SCLT1: variants seen among roughly 807,000 people sequenced by gnomAD.
The protein encoded by SCLT1 is sodium channel-associated protein 1.
SCLT1 carries 78 observed loss-of-function variants against 112.8 expected under a neutral mutation model. The ratio of observed to expected loss-of-function variants is 0.69; its 90% confidence interval spans 0.58 to 0.83. The LOEUF is 0.83. SCLT1 is among the 40% of genes least tolerant of loss of function. The probability of loss-of-function intolerance (pLI) is 0.00; values close to 1 mark genes in which losing one functional copy is unlikely to be tolerated. For missense variants in SCLT1, 747 were observed against 770.4 expected, an observed-to-expected ratio of 0.97 and a Z score of 0.36; for synonymous variants, 257 against 254.7, an observed-to-expected ratio of 1.01 and a Z score of -0.09.
At chr4:128,991,490 A>T (rs1742563021) in intron 9 of SCLT1, among the ~76,000 whole-genome samples, 1 of 151,872 alleles carries the variant, frequency 6.6e-6, no homozygotes, top group Non-Finnish European at 1.5e-5. Context: ...GTATCAAGCT[A>T]AAAAGCTTCT....
At chr4:128,976,778 T>C (rs1172557212) in intron 9 of SCLT1, among the ~76,000 whole-genome samples, 3 of 152,160 alleles carry the variant, frequency 2.0e-5, no homozygotes, top group African/African-American at 4.8e-5. Flanking sequence ...AGGAATTATA[T>C]ATCTCACAAG....
At chr4:128,907,671 A>C (rs1004853857) in intron 18 of SCLT1, among the ~76,000 whole-genome samples, 1 of 152,202 alleles carries the variant, frequency 6.6e-6, no homozygotes, top group African/African-American at 2.4e-5. Flanking sequence ...CTGCATTAGA[A>C]GATGTTTTAT....
At chr4:129,079,020 G>A (rs1400665163) in intron 2 of SCLT1, among the ~76,000 whole-genome samples, 1 of 152,138 alleles carries the variant, frequency 6.6e-6, no homozygotes, top group African/African-American at 2.4e-5. Context: ...CAGATTTCAT[G>A]AGAACTCACT....
At chr4:129,073,773 C>CATATTATCCATCAAAT (rs1374216851) in intron 2 of SCLT1, among the ~76,000 whole-genome samples, 1 of 152,080 alleles carries the variant, frequency 6.6e-6, no homozygotes, top group Non-Finnish European at 1.5e-5. Context: ...CAATTAAATC[C>CATATTATCCATCAAAT]AGACTCCTCA....
intron 2 of SCLT1, among the ~76,000 whole-genome samples, chr4:129,046,021 G>A (rs1748143784): frequency 6.6e-6 from 1 of 152,070 alleles, no homozygotes; most frequent in African/African-American, 2.4e-5. Flanking sequence ...AGAATGAGTA[G>A]ATGAAAGGAA....
chr4:129,066,860 A>G (rs1750531865), intron 2 of SCLT1, among the ~76,000 whole-genome samples: 1 of 152,168 alleles, frequency 6.6e-6, no homozygotes. Context: ...AAAGTATTAA[A>G]GCATGAATAG....
chr4:128,918,970 A>T (rs554348767), intron 18 of SCLT1, among the ~76,000 whole-genome samples: 1 of 152,302 alleles, frequency 6.6e-6, no homozygotes, highest in African/African-American at 2.4e-5. Context: ...TAAGCACACA[A>T]TAATAGTGGG....
At chr4:128,914,227 A>G (rs112793493) in intron 18 of SCLT1, among the ~76,000 whole-genome samples, 37,948 of 151,936 alleles carry the variant, frequency 0.25, 5,446 homozygotes, top group East Asian at 0.33. Context: ...TTAGCTGGGC[A>G]TGGTGGCTGG....
At chr4:128,931,168 G>C (rs192141627) in intron 18 of SCLT1, among the ~76,000 whole-genome samples, 1 of 151,536 alleles carries the variant, frequency 6.6e-6, no homozygotes, top group Non-Finnish European at 1.5e-5. Context: ...GTTTTTGGGG[G>C]GTTGGAAATT....
At chr4:128,884,668 T>A in intron 20 of SCLT1, 129 bp from the exon 21 acceptor site, 1 of 632,408 alleles carries the variant, frequency 1.6e-6, no homozygotes, top group Non-Finnish European at 2.8e-6. Context: ...TTGTAAATGA[T>A]CTTTTTCTTT....
In SCLT1 at chr4:128,873,931, T is replaced by TA. The variant is rs368886164; in HGVS notation, n.407+483dup. 241 of 152,808 alleles carry TA rather than the reference T, an allele frequency of 1.6e-3. 2 individuals carry two copies. Among genetic ancestry groups the TA allele is most frequent in the African/African-American group, 5.3e-3 (220 of 41,592 alleles). 9.5% of individuals were successfully genotyped at this position (152,808 alleles called of 1,614,324 possible). Reference sequence around the variant, plus strand: ...TCAGATGATCAAATAGTAGATCTGATACATCCCCATTGTATGTACGACATT... The same window carrying TA: ...TCAGATGATCAAATAGTAGATCTGATAACATCCCCATTGTATGTACGACATT... On this transcript the variant is annotated intron_variant and non_coding_transcript_variant, in intron 5 of 7. Coordinates refer to the SCLT1 transcript ENST00000503565.
At chr4:129,044,821 T>A in intron 2 of SCLT1, among the ~76,000 whole-genome samples, 1 of 114,880 alleles carries the variant, frequency 8.7e-6, no homozygotes. Context: ...GCCAAGATAA[T>A]CTCACCAAAA....
chr4:129,019,109 A>G (rs1745229678), intron 5 of SCLT1, among the ~76,000 whole-genome samples: 2 of 152,180 alleles, frequency 1.3e-5, no homozygotes, highest in South Asian at 4.1e-4. Flanking sequence ...ATATAAAACA[A>G]TAAAACTGAA....
chr4:129,033,457 T>C (rs1746911978), intron 5 of SCLT1, among the ~76,000 whole-genome samples: 1 of 128,956 alleles, frequency 7.8e-6, no homozygotes, highest in African/African-American at 2.9e-5. Context: ...TGTATACCTA[T>C]GTAACAAACC....
intron 2 of SCLT1, among the ~76,000 whole-genome samples, chr4:129,045,423 G>C (rs1472477246): frequency 1.3e-5 from 2 of 152,076 alleles, no homozygotes; most frequent in Admixed American, 6.6e-5. Context: ...CAGAAATTTT[G>C]TATCTATGGC....
chr4:129,056,865 A>C (rs1030239213), intron 2 of SCLT1, among the ~76,000 whole-genome samples: 1 of 152,154 alleles, frequency 6.6e-6, no homozygotes, highest in African/African-American at 2.4e-5. Flanking sequence ...TCCCATACTA[A>C]GTTGAATACA....
intron 20 of SCLT1, 82 bp downstream of exon 20, chr4:128,888,597 T>C: frequency 2.8e-6 from 2 of 714,880 alleles, no homozygotes; most frequent in Non-Finnish European, 4.7e-6. Flanking sequence ...CTAGTAAAAA[T>C]AAACTATTAA....
chr4:129,015,924 A>G (rs1295197172), intron 5 of SCLT1, among the ~76,000 whole-genome samples: 1 of 152,084 alleles, frequency 6.6e-6, no homozygotes, highest in Non-Finnish European at 1.5e-5. Flanking sequence ...ACCTAGCTGC[A>G]TCTAGTTGGC....
chr4:129,079,638 T>C (rs1757941), intron 2 of SCLT1, among the ~76,000 whole-genome samples: 39,524 of 152,200 alleles, frequency 0.26, 6,313 homozygotes, highest in Non-Finnish European at 0.35. Context: ...CCTGAGGCTT[T>C]TCCAGGCACA....
Sources: gnomAD v4.1 joint callset for allele counts (sites outside exome capture counted in the v4.1 genomes callset) on GRCh38, gnomAD v4.1.1 for gene constraint, MANE v1.5 for transcripts, NCBI Gene and HGNC (gene_info 2026-07-23, HGNC 2026-07-21) for gene names.